SYNDIG1: variants seen among roughly 807,000 people sequenced by gnomAD.
SYNDIG1 encodes the protein synapse differentiation inducing 1.
A neutral mutation model predicts 19.4 loss-of-function variants in SYNDIG1; 9 were observed. The observed-to-expected ratio is 0.46, with a 90% CI of 0.28 to 0.81. The LOEUF is 0.81. SYNDIG1 is among the 30% of genes least tolerant of loss of function. SYNDIG1 has a pLI of 0.12. For synonymous variants in SYNDIG1, 141 were observed against 145.9 expected, an observed-to-expected ratio of 0.97 and a Z score of 0.24; for missense variants, 311 against 343.3, an observed-to-expected ratio of 0.91 and a Z score of 0.74.
chr20:24,508,509 T>G (rs2146441162), intron 1 of SYNDIG1, among the ~76,000 whole-genome samples: 1 of 152,220 alleles, frequency 6.6e-6, no homozygotes, highest in African/African-American at 2.4e-5. Context: ...TGAGCCACCA[T>G]GCCCTGCCCA....
chr20:24,598,325 T>C (rs1399776905), intron 3 of SYNDIG1, among the ~76,000 whole-genome samples: 1 of 152,228 alleles, frequency 6.6e-6, no homozygotes, highest in Non-Finnish European at 1.5e-5. Flanking sequence ...ATTTTACAGA[T>C]GATAAATTTT....
At chr20:24,533,520 C>G (rs138433548) in intron 1 of SYNDIG1, among the ~76,000 whole-genome samples, 2 of 152,098 alleles carry the variant, frequency 1.3e-5, no homozygotes, top group African/African-American at 4.8e-5. Flanking sequence ...CCCCAAGAAA[C>G]AAGCCTGGGG....
At chr20:24,613,754 A>G (rs1304367773) in intron 3 of SYNDIG1, among the ~76,000 whole-genome samples, 1 of 152,204 alleles carries the variant, frequency 6.6e-6, no homozygotes. Context: ...GACTTCAGGG[A>G]ACATTCCCAG....
intron 1 of SYNDIG1, among the ~76,000 whole-genome samples, chr20:24,521,792 C>A (rs980555214): frequency 6.6e-6 from 1 of 150,872 alleles, no homozygotes; most frequent in Non-Finnish European, 1.5e-5. Flanking sequence ...CCCAGCTACT[C>A]GGGAGGCTGA....
intron 3 of SYNDIG1, among the ~76,000 whole-genome samples, chr20:24,619,846 C>A (rs1328300537): frequency 6.6e-6 from 1 of 152,188 alleles, no homozygotes; most frequent in African/African-American, 2.4e-5. Flanking sequence ...GGTTCTGTAT[C>A]TTCCATTTGA....
At chr20:24,661,702 C>T (rs1323207307) in intron 3 of SYNDIG1, among the ~76,000 whole-genome samples, 2 of 151,924 alleles carry the variant, frequency 1.3e-5, no homozygotes, top group African/African-American at 4.8e-5. Context: ...CTCAGGTGGG[C>T]ATGAGAAGGG....
chr20:24,469,896 C>T (rs1328354464), intron 1 of SYNDIG1, 143 bp downstream of exon 1: 1 of 151,910 alleles, frequency 6.6e-6, no homozygotes, highest in Admixed American at 6.5e-5. Context: ...CCTCGGAGCG[C>T]GCAGACCCGG....
chr20:24,573,421 A>G (rs937466376), intron 2 of SYNDIG1, among the ~76,000 whole-genome samples: 22 of 152,156 alleles, frequency 1.4e-4, no homozygotes, highest in African/African-American at 5.3e-4. Context: ...CCCTGCACCC[A>G]AGTCCTTTAA....
intron 2 of SYNDIG1, among the ~76,000 whole-genome samples, chr20:24,576,299 A>C (rs2058226685): frequency 6.6e-6 from 1 of 152,272 alleles, no homozygotes. Flanking sequence ...TGATTAACAA[A>C]GAATAACTGA....
intron 3 of SYNDIG1, among the ~76,000 whole-genome samples, chr20:24,591,826 G>T (rs2058516538): frequency 6.6e-6 from 1 of 152,152 alleles, no homozygotes; most frequent in Non-Finnish European, 1.5e-5. Context: ...CCCACTTCTG[G>T]GTCAGTGGTC....
intron 3 of SYNDIG1, among the ~76,000 whole-genome samples, chr20:24,591,107 T>TGC (rs1039241978): frequency 6.0e-5 from 9 of 148,782 alleles, no homozygotes; most frequent in Non-Finnish European, 1.2e-4. Flanking sequence ...TGTGTGTGTG[T>TGC]GCACTTTTCT....
At chr20:24,538,341 T>G (rs2057402112) in intron 1 of SYNDIG1, among the ~76,000 whole-genome samples, 1 of 152,244 alleles carries the variant, frequency 6.6e-6, no homozygotes, top group African/African-American at 2.4e-5. Flanking sequence ...CTCATATTGA[T>G]GGAATCATAC....
chr20:24,659,367 G>A (rs559645427), intron 3 of SYNDIG1, among the ~76,000 whole-genome samples: 5 of 152,224 alleles, frequency 3.3e-5, no homozygotes, highest in Non-Finnish European at 7.3e-5. Flanking sequence ...ACGGTAGGGG[G>A]AAAGTCTGCC....
At chr20:24,665,295 C>G in intron 3 of SYNDIG1, 51 bp from the exon 4 acceptor site, 1 of 1,560,356 alleles carries the variant, frequency 6.4e-7, no homozygotes, top group Non-Finnish European at 8.6e-7. Flanking sequence ...CCACTCACTG[C>G]TTGTTCCGAC....
intron 1 of SYNDIG1, among the ~76,000 whole-genome samples, chr20:24,522,374 A>G (rs1036706577): frequency 6.6e-6 from 1 of 152,184 alleles, no homozygotes; most frequent in Non-Finnish European, 1.5e-5. Flanking sequence ...TATAGGCATG[A>G]GCCCATGTAC....
At position 24,604,696 on chromosome 20, in the gene SYNDIG1, C is replaced by T. The variant is rs2058727866; in HGVS notation, c.618+19703C>T. ...AGCATAAAAAGAGCCAACCAGCAGCCCTCCCTTGGGGCTGCTCTGCCTGTG... is the reference window on the plus strand; with the variant it reads ...AGCATAAAAAGAGCCAACCAGCAGCTCTCCCTTGGGGCTGCTCTGCCTGTG... On this transcript the variant is annotated intron_variant, in intron 3 of 3. Transcript: ENST00000376862. Among the ~76,000 whole-genome samples the T allele has an allele frequency of 2.0e-5, 3 of 152,266 alleles. No individual in the cohort carries two copies. The South Asian group carries it at 6.2e-4, about 32-fold the overall frequency.
chr20:24,521,688 A>G (rs2057007143), intron 1 of SYNDIG1, among the ~76,000 whole-genome samples: 1 of 152,154 alleles, frequency 6.6e-6, no homozygotes, highest in African/African-American at 2.4e-5. Flanking sequence ...CCCTGAGGTC[A>G]GGAGTTCGAG....
At chr20:24,538,395 G>A (rs1366321190) in intron 1 of SYNDIG1, among the ~76,000 whole-genome samples, 2 of 152,116 alleles carry the variant, frequency 1.3e-5, no homozygotes, top group Non-Finnish European at 1.5e-5. Context: ...TTAGAGTAAT[G>A]TCCTCAAGGT....
At chr20:24,576,467 T>C (rs1302243703) in intron 2 of SYNDIG1, among the ~76,000 whole-genome samples, 1 of 152,228 alleles carries the variant, frequency 6.6e-6, no homozygotes, top group Non-Finnish European at 1.5e-5. Flanking sequence ...TGTTGCGATG[T>C]GTGATGGAAG....
Sources: allele counts gnomAD v4.1 joint callset (sites outside exome capture counted in the v4.1 genomes callset), GRCh38; gene constraint gnomAD v4.1.1; transcripts MANE v1.5; gene names NCBI Gene and HGNC (gene_info 2026-07-23, HGNC 2026-07-21).